ZNF536: variants seen among roughly 807,000 people sequenced by gnomAD.
The protein encoded by ZNF536 is zinc finger protein 536.
A neutral mutation model predicts 84.5 loss-of-function variants in ZNF536; 13 were observed. That is an observed-to-expected ratio of 0.15 (90% CI 0.10 to 0.24). The LOEUF is 0.24. Ranked by LOEUF, ZNF536 falls within the 10% of genes least tolerant of loss-of-function variation. The pLI is 1.00. For missense variants in ZNF536, 1,536 were observed against 1,747.5 expected (o/e 0.88, Z 2.16); for synonymous variants, 811 against 742.5 (o/e 1.09, Z -1.50).
In ZNF536 at chr19:30,566,065, A is replaced by C. The variant is rs2046335685; in HGVS notation, c.169+16551A>C. On this transcript the variant is annotated intron_variant, in intron 1 of 1. Coordinates refer to the ZNF536 transcript ENST00000592773. The stretch of plus-strand genomic sequence containing the variant: ...TCACGCTTGGATGCTAAAATCAAGC[A>C]GTCGTGGAATAAAGAAAGTCACTTT... Among the ~76,000 whole-genome samples the C allele has an allele frequency of 2.0e-5, 3 of 152,218 alleles. No individual in the cohort carries two copies. In the South Asian group the frequency reaches 6.2e-4, roughly 32 times the overall value.
chr19:30,490,558 C>T (rs1337046322), intron 2 of ZNF536, among the ~76,000 whole-genome samples: 11 of 152,252 alleles, frequency 7.2e-5, no homozygotes, highest in Admixed American at 3.3e-4. Flanking sequence ...GAGATAACAG[C>T]GTTCACCACT....
intron 1 of ZNF536, among the ~76,000 whole-genome samples, chr19:30,230,535 G>A (rs758118989): frequency 1.3e-5 from 2 of 152,184 alleles, no homozygotes; most frequent in African/African-American, 2.4e-5. Context: ...AGGGCAGGCA[G>A]GGAGCGACAG....
intron 1 of ZNF536, among the ~76,000 whole-genome samples, chr19:30,432,656 G>A (rs1008110960): frequency 1.2e-4 from 18 of 152,180 alleles, no homozygotes; most frequent in Non-Finnish European, 2.2e-4. Flanking sequence ...CACCACAAGA[G>A]CTTTGACCTT....
At chr19:30,468,584 G>T (rs916523135) in intron 2 of ZNF536, among the ~76,000 whole-genome samples, 1 of 152,156 alleles carries the variant, frequency 6.6e-6, no homozygotes, top group Non-Finnish European at 1.5e-5. Flanking sequence ...GATGTCACTT[G>T]GTGGTATGGA....
intron 1 of ZNF536, among the ~76,000 whole-genome samples, chr19:30,618,062 T>A (rs987368491): frequency 1.3e-5 from 2 of 152,260 alleles, no homozygotes; most frequent in Non-Finnish European, 2.9e-5. Context: ...TCCTAGTTTT[T>A]AAGTACTTGA....
intron 2 of ZNF536, among the ~76,000 whole-genome samples, chr19:30,468,520 G>A (rs573942289): frequency 1.3e-5 from 2 of 152,270 alleles, no homozygotes; most frequent in East Asian, 3.9e-4. Flanking sequence ...TGGGACCTGG[G>A]GCGAGGGGTC....
chr19:30,672,825 C>T (rs1417559495), intron 1 of ZNF536, among the ~76,000 whole-genome samples: 2 of 152,074 alleles, frequency 1.3e-5, no homozygotes, highest in Non-Finnish European at 2.9e-5. Flanking sequence ...CAGATGTAGG[C>T]GTGTTTTGAA....
At chr19:30,484,219 C>T (rs1406338146) in intron 2 of ZNF536, among the ~76,000 whole-genome samples, 2 of 149,624 alleles carry the variant, frequency 1.3e-5, no homozygotes, top group Middle Eastern at 3.5e-3. Context: ...TGTTTTCTCT[C>T]ATTTTGATTT....
chr19:30,304,211 G>A (rs966753370), intron 2 of ZNF536, among the ~76,000 whole-genome samples: 4 of 152,042 alleles, frequency 2.6e-5, no homozygotes, highest in East Asian at 1.9e-4. Context: ...ACAAACTTTC[G>A]CACAAACTTC....
chr19:30,643,278 C>A (rs1323942444), intron 1 of ZNF536, among the ~76,000 whole-genome samples: 1 of 152,128 alleles, frequency 6.6e-6, no homozygotes, highest in Non-Finnish European at 1.5e-5. Flanking sequence ...ACTTAATTTG[C>A]TGGGGTATTA....
At chr19:30,579,906 A>G (rs1206714698) in intron 1 of ZNF536, among the ~76,000 whole-genome samples, 1 of 152,186 alleles carries the variant, frequency 6.6e-6, no homozygotes, top group Non-Finnish European at 1.5e-5. Flanking sequence ...TCTTCCCACA[A>G]GGAAAACTTC....
intron 1 of ZNF536, among the ~76,000 whole-genome samples, chr19:30,673,100 C>G (rs1340990002): frequency 6.6e-6 from 1 of 152,184 alleles, no homozygotes; most frequent in East Asian, 1.9e-4. Flanking sequence ...GGTGAGGACT[C>G]CAGTGCCCCT....
At chr19:30,335,119 G>T (rs562624446) in intron 2 of ZNF536, among the ~76,000 whole-genome samples, 3 of 152,342 alleles carry the variant, frequency 2.0e-5, no homozygotes, top group African/African-American at 7.2e-5. Flanking sequence ...ACACAGAGGA[G>T]TCACGCAGGA....
chr19:30,617,190 G>A (rs1023496645), intron 1 of ZNF536, among the ~76,000 whole-genome samples: 2 of 150,852 alleles, frequency 1.3e-5, no homozygotes, highest in African/African-American at 4.9e-5. Flanking sequence ...ACATGGGTAA[G>A]TTCTTTAGTG....
At chr19:30,536,028 G>A (rs529330757) in intron 3 of ZNF536, among the ~76,000 whole-genome samples, 1 of 152,194 alleles carries the variant, frequency 6.6e-6, no homozygotes, top group African/African-American at 2.4e-5. Context: ...GGCACAGGAG[G>A]CCATGGGCCG....
chr19:30,456,902 C>T (rs548818561), intron 2 of ZNF536, among the ~76,000 whole-genome samples: 14 of 152,014 alleles, frequency 9.2e-5, no homozygotes, highest in African/African-American at 1.9e-4. Context: ...ATTAGCTGGG[C>T]GTGGTGGTGG....
intron 1 of ZNF536, among the ~76,000 whole-genome samples, chr19:30,700,559 A>T (rs991946829): frequency 1.8e-4 from 27 of 151,848 alleles, no homozygotes; most frequent in African/African-American, 6.0e-4. Flanking sequence ...GGCTCATTTT[A>T]AAATTTTTGT....
chr19:30,283,762 A>C lies in ZNF536; in HGVS notation c.-189-310A>C, dbSNP rs547433976. Among the ~76,000 whole-genome samples the C allele has an allele frequency of 4.0e-3, 595 of 149,456 alleles. 3 individuals are homozygous for C. Among genetic ancestry groups the C allele is most frequent in the African/African-American group, 0.014 (567 of 40,206 alleles). ...GAGAGGGAGAGAGAGAGAGAGAGAG[A>C]GCCCTTATAATATTAGCTCCTATTT... On this transcript the variant is annotated intron_variant, in intron 1 of 5. Coordinates refer to the ZNF536 transcript ENST00000585628.
At chr19:30,700,234 TTCTTTCTCTCTCTC>T (rs2051870922) in intron 1 of ZNF536, among the ~76,000 whole-genome samples, 1 of 130,900 alleles carries the variant, frequency 7.6e-6, no homozygotes, top group Non-Finnish European at 1.6e-5. Flanking sequence ...CTTTCTTTCT[TTCTTTCTCTCTCTC>T]TCTCTCTTTC....
Sources: allele counts gnomAD v4.1 joint callset (sites outside exome capture counted in the v4.1 genomes callset), GRCh38; gene constraint gnomAD v4.1.1; transcripts MANE v1.5; gene names NCBI Gene and HGNC (gene_info 2026-07-23, HGNC 2026-07-21).